CFAP47: variants seen among roughly 807,000 people sequenced by gnomAD.
CFAP47 encodes cilia- and flagella-associated protein 47.
CFAP47 carries 29 observed loss-of-function variants against 148.1 expected under a neutral mutation model. The observed-to-expected ratio is 0.20, with a 90% CI of 0.15 to 0.27. The LOEUF (loss-of-function observed/expected upper bound fraction) is 0.27, where lower values mean the gene tolerates loss of function less well. Among genes scored for constraint, CFAP47 ranks in the 10% least tolerant of loss-of-function variants. The pLI is 1.00. For synonymous variants in CFAP47, 664 were observed against 577.3 expected, an observed-to-expected ratio of 1.15 and a Z score of -2.15; for missense variants, 1,872 against 1,697.5, an observed-to-expected ratio of 1.10 and a Z score of -1.81.
At chrX:36,248,384 CATATT>C (rs1291861725) in intron 48 of CFAP47, among the ~76,000 whole-genome samples, 1 of 103,219 alleles carries the variant, frequency 9.7e-6, no homozygotes, top group Non-Finnish European at 2.0e-5. Context: ...TATATTATAA[CATATT>C]ATATATTATA....
At chrX:36,046,326 G>C (rs192122498) in intron 25 of CFAP47, among the ~76,000 whole-genome samples, 1 of 110,231 alleles carries the variant, frequency 9.1e-6, no homozygotes, top group East Asian at 2.9e-4. Flanking sequence ...GCTATAAAAA[G>C]TATAAATGTA....
At chrX:35,951,771 A>C in intron 5 of CFAP47, 32 bp from the exon 6 acceptor site, 2 of 1,064,168 alleles carry the variant, frequency 1.9e-6, no homozygotes, top group Non-Finnish European at 2.4e-6. Context: ...GTTTTGCCTT[A>C]ATACTCTTTT....
At chrX:36,049,924 G>C (rs979802158) in intron 26 of CFAP47, among the ~76,000 whole-genome samples, 1 of 111,359 alleles carries the variant, frequency 9.0e-6, no homozygotes. Context: ...CTGTTCATGT[G>C]ATAGTGAATA....
chrX:35,963,458 C>T (rs1053847537), intron 8 of CFAP47, among the ~76,000 whole-genome samples: 1 of 110,327 alleles, frequency 9.1e-6, no homozygotes, highest in African/African-American at 3.3e-5. Flanking sequence ...TAAAGAAAAT[C>T]CATTTACTTT....
chrX:36,018,147 T>C (rs1486372987), intron 22 of CFAP47, among the ~76,000 whole-genome samples: 3 of 111,964 alleles, frequency 2.7e-5, no homozygotes, highest in African/African-American at 6.5e-5. Flanking sequence ...GGAATACTTT[T>C]AAAATTGCTT....
intron 42 of CFAP47, among the ~76,000 whole-genome samples, chrX:36,192,384 T>C (rs1555986630): frequency 1.8e-5 from 2 of 110,836 alleles, no homozygotes; most frequent in Admixed American, 1.9e-4. Context: ...GGAGGAGGGG[T>C]TGACAGACCC....
At chrX:36,371,075 CA>C (rs1941928152) in intron 62 of CFAP47, among the ~76,000 whole-genome samples, 1 of 111,445 alleles carries the variant, frequency 9.0e-6, no homozygotes, top group Non-Finnish European at 1.9e-5. Flanking sequence ...TTCAAGGTAT[CA>C]AAATAGGTTA....
chrX:36,333,060 G>T, intron 57 of CFAP47, among the ~76,000 whole-genome samples: 1 of 111,500 alleles, frequency 9.0e-6, no homozygotes, highest in Middle Eastern at 4.6e-3. Flanking sequence ...GGTAGTTGGG[G>T]GTGTGAGATT....
At chrX:36,144,379 T>G (rs1296395870) in intron 35 of CFAP47, among the ~76,000 whole-genome samples, 1 of 112,607 alleles carries the variant, frequency 8.9e-6, no homozygotes, top group Non-Finnish European at 1.9e-5. Context: ...TTGCTGTATC[T>G]ATGTTTCAGT....
intron 30 of CFAP47, among the ~76,000 whole-genome samples, chrX:36,091,767 C>A (rs1938189805): frequency 9.0e-6 from 1 of 111,521 alleles, no homozygotes. Context: ...CTTCTATTTT[C>A]TCAGTCATCT....
chrX:36,200,590 G>C (rs1939969278), intron 43 of CFAP47, 97 bp downstream of exon 43: 1 of 286,736 alleles, frequency 3.5e-6, no homozygotes, highest in Non-Finnish European at 6.1e-6. Flanking sequence ...CTTCTCTTCT[G>C]TGTGTTTAGA....
intron 22 of CFAP47, among the ~76,000 whole-genome samples, chrX:36,022,266 G>GT (rs202124279): frequency 9.0e-6 from 1 of 111,386 alleles, no homozygotes; most frequent in East Asian, 2.8e-4. Flanking sequence ...TAGGCTAAAA[G>GT]TTTTTTTTCT....
chrX:36,173,679 T>G (rs931021337), intron 39 of CFAP47, among the ~76,000 whole-genome samples: 1 of 111,966 alleles, frequency 8.9e-6, no homozygotes, highest in African/African-American at 3.3e-5. Context: ...TTGTTATAAT[T>G]TCTATTCTTT....
chrX:36,229,513 T>G (rs1940312572), intron 46 of CFAP47, among the ~76,000 whole-genome samples: 1 of 111,622 alleles, frequency 9.0e-6, no homozygotes, highest in African/African-American at 3.2e-5. Context: ...TAAATGATCC[T>G]TCGATAGATC....
chrX:36,279,004 C>G (rs1941048889), intron 49 of CFAP47, among the ~76,000 whole-genome samples: 1 of 111,514 alleles, frequency 9.0e-6, no homozygotes, highest in Non-Finnish European at 1.9e-5. Context: ...TGCCTGTCAA[C>G]ACACGAAACA....
At chrX:35,954,956 G>A (rs1936222457) in intron 7 of CFAP47, among the ~76,000 whole-genome samples, 1 of 111,931 alleles carries the variant, frequency 8.9e-6, no homozygotes, top group Admixed American at 9.5e-5. Flanking sequence ...TTGTTGAGAG[G>A]TTTCACTTTG....
At chrX:36,066,632 C>T (rs1026024748) in intron 27 of CFAP47, among the ~76,000 whole-genome samples, 6 of 111,472 alleles carry the variant, frequency 5.4e-5, no homozygotes, top group Non-Finnish European at 1.1e-4. Flanking sequence ...TATCTGAATC[C>T]CTTTACCCAG....
intron 57 of CFAP47, among the ~76,000 whole-genome samples, chrX:36,345,981 A>AT (rs1343290613): frequency 9.0e-5 from 10 of 111,672 alleles, no homozygotes; most frequent in Admixed American, 3.8e-4. Flanking sequence ...TAATAAAATA[A>AT]TTTTATTTGA....
At chrX:36,010,693 C>T (rs1185128012) in intron 21 of CFAP47, among the ~76,000 whole-genome samples, 3 of 111,237 alleles carry the variant, frequency 2.7e-5, no homozygotes, top group Non-Finnish European at 3.8e-5. Context: ...CTCCTGACCT[C>T]GTGATCCAAC....
Sources: allele counts gnomAD v4.1 joint callset (sites outside exome capture counted in the v4.1 genomes callset), GRCh38; gene constraint gnomAD v4.1.1; transcripts MANE v1.5; gene names NCBI Gene and HGNC (gene_info 2026-07-23, HGNC 2026-07-21).